The following AHI1 variants were observed in gnomAD, a reference collection of about 807,000 sequenced individuals.
AHI1 encodes Abelson helper integration site 1.
In AHI1, 123 loss-of-function variants were observed where a neutral mutation model predicts 149.3. The observed-to-expected ratio is 0.82, with a 90% CI of 0.71 to 0.96. The LOEUF (loss-of-function observed/expected upper bound fraction) is 0.96, where lower values mean the gene tolerates loss of function less well. Among genes scored for constraint, AHI1 ranks in the 40% least tolerant of loss-of-function variants. AHI1 has a pLI of 0.00. For missense variants in AHI1, 1,439 were observed against 1,422.7 expected (o/e 1.01, Z -0.18); for synonymous variants, 475 against 459.8 (o/e 1.03, Z -0.42).
rs372368684 is a variant in AHI1 at position 135,383,516 on chromosome 6, T to C, written c.3109+11260A>G. On this transcript the variant is annotated intron_variant, in intron 23 of 28. Coordinates refer to ENST00000265602, the MANE Select transcript of AHI1 (RefSeq NM_001134831.2). ...TTACATTGGTATGGTATAGAGAATA[T>C]GAGATGGTGTGAACCCATTTTTCAT... Among the ~76,000 whole-genome samples the C allele has an allele frequency of 1.5e-3, 235 of 152,200 alleles. 1 individual carries two copies. Among genetic ancestry groups the C allele is most frequent in the African/African-American group, 5.4e-3 (226 of 41,530 alleles).
chr6:135,432,942 T>C, intron 16 of AHI1, 85 bp downstream of exon 16: 11 of 1,002,452 alleles, frequency 1.1e-5, no homozygotes, highest in South Asian at 6.9e-5. Flanking sequence ...CATCAGTACA[T>C]AACCCTCTCA....
rs148733600 is a variant in AHI1, at chr6:135,355,861, G to A, written c.3165+2271C>T. Among the ~76,000 whole-genome samples, 700 of 152,080 alleles carry A rather than the reference G, an allele frequency of 4.6e-3. 4 individuals are homozygous for A. Among genetic ancestry groups the A allele is most frequent in the African/African-American group, 0.016 (654 of 41,478 alleles). On this transcript the variant is annotated intron_variant, in intron 24 of 28. Coordinates refer to ENST00000265602, the MANE Select transcript of AHI1 (RefSeq NM_001134831.2). Reference sequence around the variant, plus strand: ...TTGCAGTGAACTGAGATTGCGCCACGGCACTCCAGCCTGGGCAACAGAGCG... The same window carrying A: ...TTGCAGTGAACTGAGATTGCGCCACAGCACTCCAGCCTGGGCAACAGAGCG...
At chr6:135,374,102 ATATATATTTTTT>A (rs1227634750) in intron 23 of AHI1, among the ~76,000 whole-genome samples, 435 of 43,476 alleles carry the variant, frequency 0.01, 1 homozygote, top group African/African-American at 0.03. Context: ...ATATATATAT[ATATATATTTTTT>A]TTTTTTTTTT....
rs530296437 is a variant in AHI1, at chr6:135,364,258, G to A, written c.3110-6071C>T. Among the ~76,000 whole-genome samples, 1,087 of 151,400 alleles carry A rather than the reference G, an allele frequency of 7.2e-3. 16 individuals are homozygous for A. Among genetic ancestry groups the A allele is most frequent in the African/African-American group, 0.025 (1,031 of 41,230 alleles). On this transcript the variant is annotated intron_variant, in intron 23 of 28. Transcript: ENST00000265602. ...ACGCTCCTCACATCCTGGACGGGGC[G>A]GCAGGGCAGAGGTGCTCCCCACATC...
At chr6:135,462,033 T>C (rs1387458631) in intron 8 of AHI1, among the ~76,000 whole-genome samples, 1 of 152,002 alleles carries the variant, frequency 6.6e-6, no homozygotes, top group Non-Finnish European at 1.5e-5. Flanking sequence ...ACTTTAAAAA[T>C]ATGTATATGA....
At chr6:135,386,351 C>T (rs970244294) in intron 23 of AHI1, among the ~76,000 whole-genome samples, 23 of 151,586 alleles carry the variant, frequency 1.5e-4, no homozygotes, top group African/African-American at 5.3e-4. Context: ...CGCTCTTCCG[C>T]CCAGGCTGGA....
chr6:135,333,655 T>TTTC (rs1192821736), intron 24 of AHI1, among the ~76,000 whole-genome samples: 1 of 152,178 alleles, frequency 6.6e-6, no homozygotes, highest in Non-Finnish European at 1.5e-5. Context: ...CAAACAAGCA[T>TTTC]TTGAAAGCAT....
At chr6:135,391,207 C>T (rs1582991411) in intron 23 of AHI1, among the ~76,000 whole-genome samples, 2 of 152,254 alleles carry the variant, frequency 1.3e-5, no homozygotes, top group South Asian at 4.1e-4. Flanking sequence ...GAAAAAAATA[C>T]ATTTTAGAAT....
chr6:135,361,342 C>T (rs927639823), intron 23 of AHI1, among the ~76,000 whole-genome samples: 4 of 152,136 alleles, frequency 2.6e-5, no homozygotes, highest in African/African-American at 4.8e-5. Context: ...TTTATCCCTT[C>T]TTGCAGATCC....
chr6:135,495,516 T>C (rs748837852), intron 3 of AHI1: 1 of 152,350 alleles, frequency 6.6e-6, no homozygotes, highest in South Asian at 2.1e-4. Flanking sequence ...GCAAATGATA[T>C]CTTCTCTAGA....
At chr6:135,297,147 G>T (rs1783197735) in intron 27 of AHI1, among the ~76,000 whole-genome samples, 1 of 152,178 alleles carries the variant, frequency 6.6e-6, no homozygotes, top group Non-Finnish European at 1.5e-5. Context: ...AATAATGTTT[G>T]CTCAGGCTCA....
intron 24 of AHI1, among the ~76,000 whole-genome samples, chr6:135,354,418 C>CCT (rs1234239484): frequency 6.6e-6 from 1 of 151,994 alleles, no homozygotes; most frequent in Non-Finnish European, 1.5e-5. Flanking sequence ...ATTAATTCTG[C>CCT]CAGAAAATAT....
chr6:135,410,224 G>A (rs1372555791), intron 21 of AHI1, among the ~76,000 whole-genome samples: 1 of 152,144 alleles, frequency 6.6e-6, no homozygotes, highest in East Asian at 1.9e-4. Context: ...TTTTTAATTA[G>A]CCAGGCCTGG....
At chr6:135,446,664 G>A (rs1464180556) in intron 13 of AHI1, among the ~76,000 whole-genome samples, 1 of 152,142 alleles carries the variant, frequency 6.6e-6, no homozygotes, top group African/African-American at 2.4e-5. Context: ...ACCCTCACCA[G>A]GAACTAGGCT....
intron 23 of AHI1, among the ~76,000 whole-genome samples, chr6:135,372,891 C>T (rs1775278405): frequency 6.6e-6 from 1 of 152,120 alleles, no homozygotes; most frequent in Non-Finnish European, 1.5e-5. Flanking sequence ...GTGGTTGGGA[C>T]CTGATTTTTT....
intron 24 of AHI1, among the ~76,000 whole-genome samples, chr6:135,353,811 C>T (rs957807423): frequency 5.3e-5 from 8 of 152,036 alleles, no homozygotes; most frequent in Non-Finnish European, 8.8e-5. Context: ...ATAAGACTAA[C>T]GCATATTAAA....
chr6:135,356,751 A>T (rs1215945333), intron 24 of AHI1, among the ~76,000 whole-genome samples: 3 of 152,198 alleles, frequency 2.0e-5, no homozygotes, highest in Non-Finnish European at 2.9e-5. Flanking sequence ...TGAAACATAC[A>T]TACTACAGTC....
intron 27 of AHI1, 31 bp downstream of exon 27, chr6:135,300,469 C>T (rs747793799): frequency 9.6e-6 from 15 of 1,562,358 alleles, no homozygotes; most frequent in Non-Finnish European, 1.3e-5. Flanking sequence ...AACCATTTAT[C>T]ACTGCAAATT....
At position 135,482,244 on chromosome 6, in the gene AHI1, C is replaced by A. The variant is rs1025451951; in HGVS notation, c.135+8379G>T. 2.6e-5 allele frequency among the ~76,000 whole-genome samples: 4 copies of A among 152,272 alleles called. No homozygotes were observed. In the East Asian group the frequency reaches 7.7e-4, roughly 29 times the overall value. ...GTTCTCTTCCTCCTCCTCTCCAACTCCTATTCCAAAGGCCTTTTTTAGTGG... is the reference window on the plus strand; with the variant it reads ...GTTCTCTTCCTCCTCCTCTCCAACTACTATTCCAAAGGCCTTTTTTAGTGG... On this transcript the variant is annotated intron_variant, in intron 5 of 28. Transcript: ENST00000265602.
Sources: gnomAD v4.1 joint callset for allele counts (sites outside exome capture counted in the v4.1 genomes callset) on GRCh38, gnomAD v4.1.1 for gene constraint, MANE v1.5 for transcripts, NCBI Gene and HGNC (gene_info 2026-07-23, HGNC 2026-07-21) for gene names.